The following RNF11 variants were observed in gnomAD, a reference collection of about 807,000 sequenced individuals.
The protein encoded by RNF11 is ring finger protein 11.
RNF11 carries 4 observed loss-of-function variants against 15.8 expected under a neutral mutation model. That is an observed-to-expected ratio of 0.25 (90% CI 0.12 to 0.58). The LOEUF is 0.58. Among genes scored for constraint, RNF11 ranks in the 20% least tolerant of loss-of-function variants. The probability of loss-of-function intolerance (pLI) is 0.91; values close to 1 mark genes in which losing one functional copy is unlikely to be tolerated. For missense variants in RNF11, 139 were observed against 194.4 expected (o/e 0.71, Z 1.70); for synonymous variants, 68 against 72.3 (o/e 0.94, Z 0.30).
At chr1:51,265,656 G>A (rs1646951748) in intron 1 of RNF11, among the ~76,000 whole-genome samples, 2 of 152,126 alleles carry the variant, frequency 1.3e-5, no homozygotes, top group South Asian at 4.1e-4. Context: ...TCAACAACGA[G>A]GAAATGGTAG....
chr1:51,256,607 A>G (rs1009193910), intron 1 of RNF11, among the ~76,000 whole-genome samples: 82 of 152,170 alleles, frequency 5.4e-4, no homozygotes, highest in African/African-American at 1.8e-3. Context: ...TCAAATGGTA[A>G]TAATATGTTT....
intron 1 of RNF11, among the ~76,000 whole-genome samples, chr1:51,268,232 T>C (rs1398845496): frequency 1.3e-5 from 2 of 152,218 alleles, no homozygotes; most frequent in Admixed American, 1.3e-4. Context: ...ATTAGGCATG[T>C]GTGGTAAGAA....
In RNF11 at chr1:51,253,728, C is replaced by G. The variant is rs181628824; in HGVS notation, c.124-16228C>G. Among the ~76,000 whole-genome samples, 431 of 152,240 alleles carry G rather than the reference C, an allele frequency of 2.8e-3. 3 individuals are homozygous for G. Among genetic ancestry groups the G allele is most frequent in the Admixed American group, 5.1e-3 (78 of 15,256 alleles). On this transcript the variant is annotated intron_variant, in intron 1 of 2. Coordinates refer to ENST00000242719, the MANE Select transcript of RNF11 (RefSeq NM_014372.5). Reference sequence around the variant, plus strand: ...AGAATGTTTAGGGTGCTATAATTTGCTCAACACTTCATTATTTTTGCTTTC... The same window carrying G: ...AGAATGTTTAGGGTGCTATAATTTGGTCAACACTTCATTATTTTTGCTTTC...
rs1557684189 is a variant in RNF11 at position 51,272,663 on chromosome 1, A to G, written c.*1341A>G. 1 of 152,172 alleles carries G rather than the reference A, an allele frequency of 6.6e-6. No individual in the cohort carries two copies. The highest frequency in any genetic ancestry group is 1.9e-4 in the East Asian group (1 of 5,196). The allele number at this position is 152,172 out of a possible 1,614,324, so 9.4% of individuals were successfully genotyped here. The stretch of plus-strand genomic sequence containing the variant: ...TGTTTTATCCATTTAGCATGTGTTT[A>G]TTTTTTCATATGTACTCAAAGGTGA... On this transcript the variant is annotated 3_prime_UTR_variant, in exon 3 of 3. Transcript: ENST00000242719.
At chr1:51,246,000 T>G (rs1254535869) in intron 1 of RNF11, among the ~76,000 whole-genome samples, 1 of 152,152 alleles carries the variant, frequency 6.6e-6, no homozygotes, top group East Asian at 1.9e-4. Context: ...GCACAGTGGC[T>G]CACACCTGTA....
At chr1:51,251,258 C>T (rs1027122048) in intron 1 of RNF11, 1 of 1,317,882 alleles carries the variant, frequency 7.6e-7, no homozygotes, top group Non-Finnish European at 1.1e-6. Context: ...GGGACTTGAT[C>T]TTCATGTCCT....
intron 1 of RNF11, among the ~76,000 whole-genome samples, chr1:51,245,513 GC>G (rs1646847884): frequency 6.6e-6 from 1 of 150,826 alleles, no homozygotes; most frequent in Admixed American, 6.6e-5. Flanking sequence ...GTGCAGTGGT[GC>G]AGTCTCAGCC....
rs201557519 is a variant in RNF11 at position 51,257,848 on chromosome 1, C to CTTTTTTTTTTT, written c.124-12104_124-12103insTTTTTTTTTTT. 6.1e-4 allele frequency among the ~76,000 whole-genome samples: 52 copies of CTTTTTTTTTTT among 84,912 alleles called. 1 individual carries two copies. The highest frequency in any genetic ancestry group is 7.5e-4 in the Non-Finnish European group (32 of 42,402). The allele number at this position is 84,912 out of a possible 152,430, so 55.7% of individuals were successfully genotyped here. A position where few individuals can be genotyped will look rare whatever the true frequency, so the allele number is the denominator to read the frequency against. On this transcript the variant is annotated intron_variant, in intron 1 of 2. Coordinates refer to ENST00000242719, the MANE Select transcript of RNF11 (RefSeq NM_014372.5). Reference sequence around the variant, plus strand: ...TTTCTCTTCTTATTTCTTTTCTTTTCTTTTCTTTTTTTTTTTTTTTTTTGA... The same window carrying CTTTTTTTTTTT: ...TTTCTCTTCTTATTTCTTTTCTTTTCTTTTTTTTTTTTTTTCTTTTTTTTTTTTTTTTTTGA...
intron 1 of RNF11, among the ~76,000 whole-genome samples, chr1:51,261,386 G>C (rs1299824407): frequency 6.6e-6 from 1 of 152,176 alleles, no homozygotes; most frequent in Non-Finnish European, 1.5e-5. Flanking sequence ...ATCCCAGAGT[G>C]AGCTCCTGTC....
At chr1:51,251,322 C>CCTCCGCGAG (rs928661965) in intron 1 of RNF11, 1 of 1,516,006 alleles carries the variant, frequency 6.6e-7, no homozygotes, top group Non-Finnish European at 9.0e-7. Context: ...CTCGGCCTTG[C>CCTCCGCGAG]CTCCGCGAGC....
At chr1:51,245,222 G>A (rs1646846431) in intron 1 of RNF11, among the ~76,000 whole-genome samples, 1 of 152,054 alleles carries the variant, frequency 6.6e-6, no homozygotes, top group African/African-American at 2.4e-5. Context: ...ACTTTGCCTG[G>A]CTAATTTTTA....
chr1:51,246,672 C>T (rs1646852991), intron 1 of RNF11, among the ~76,000 whole-genome samples: 1 of 152,138 alleles, frequency 6.6e-6, no homozygotes, highest in Admixed American at 6.5e-5. Flanking sequence ...GTCTAGGCAA[C>T]ACAGTGAGAC....
intron 1 of RNF11, among the ~76,000 whole-genome samples, chr1:51,247,211 T>C (rs1051278624): frequency 6.8e-6 from 1 of 146,000 alleles, no homozygotes; most frequent in African/African-American, 2.5e-5. Flanking sequence ...TGTGTAGTTA[T>C]TTTTTTTTTT....
chr1:51,266,767 AG>A (rs1235643505), intron 1 of RNF11, among the ~76,000 whole-genome samples: 1 of 152,216 alleles, frequency 6.6e-6, no homozygotes, highest in African/African-American at 2.4e-5. Context: ...CAGGCGCATT[AG>A]CAATTTTTCA....
At chr1:51,251,867 T>A (rs1220466158) in intron 1 of RNF11, among the ~76,000 whole-genome samples, 1 of 151,956 alleles carries the variant, frequency 6.6e-6, no homozygotes, top group Non-Finnish European at 1.5e-5. Context: ...TCACTTGAGG[T>A]CAGGAGTTTG....
chr1:51,243,475 G>T (rs1178633735), intron 1 of RNF11, among the ~76,000 whole-genome samples: 1 of 152,102 alleles, frequency 6.6e-6, no homozygotes, highest in Non-Finnish European at 1.5e-5. Context: ...TCTTCACTCT[G>T]TTGCCCAGGC....
At chr1:51,240,547 AT>A (rs61666021) in intron 1 of RNF11, among the ~76,000 whole-genome samples, 3,206 of 147,550 alleles carry the variant, frequency 0.022, 96 homozygotes, top group African/African-American at 0.067. Context: ...AGGAAAGGGG[AT>A]TTTTTTTTTT....
At chr1:51,237,823 T>C (rs1311464612) in intron 1 of RNF11, among the ~76,000 whole-genome samples, 1 of 152,180 alleles carries the variant, frequency 6.6e-6, no homozygotes, top group Non-Finnish European at 1.5e-5. Context: ...TCAATAGTAG[T>C]AGTGCTTAAT....
intron 1 of RNF11, among the ~76,000 whole-genome samples, chr1:51,242,037 T>C (rs998005611): frequency 4.6e-5 from 7 of 152,352 alleles, no homozygotes; most frequent in African/African-American, 1.4e-4. Context: ...GCAGTAGTTA[T>C]ATAGTTTGAG....
Sources: gnomAD v4.1 joint callset for allele counts (sites outside exome capture counted in the v4.1 genomes callset) on GRCh38, gnomAD v4.1.1 for gene constraint, MANE v1.5 for transcripts, NCBI Gene and HGNC (gene_info 2026-07-23, HGNC 2026-07-21) for gene names.